Variants in USP36 observed in about 807,000 individuals in gnomAD.
USP36 encodes ubiquitin carboxyl-terminal hydrolase 36.
Under a neutral mutation model 111.5 loss-of-function variants are expected in USP36, and 59 were observed. The observed-to-expected ratio is 0.53, with a 90% CI of 0.43 to 0.66. The LOEUF (loss-of-function observed/expected upper bound fraction) is 0.66, where lower values mean the gene tolerates loss of function less well. Among genes scored for constraint, USP36 ranks in the 30% least tolerant of loss-of-function variants. USP36 has a pLI of 0.00. For missense variants in USP36, 1,488 were observed against 1,468.0 expected (o/e 1.01, Z -0.22); for synonymous variants, 628 against 581.0 (o/e 1.08, Z -1.16).
intron 5 of USP36, 118 bp downstream of exon 5, chr17:78,828,779 A>G (rs1231447795): frequency 1.0e-6 from 1 of 980,860 alleles, no homozygotes; most frequent in African/African-American, 1.6e-5. Flanking sequence ...CCAAAACGGA[A>G]GGACTGCTTA....
rs1346392794 is a variant in USP36, at chr17:78,827,275, A to G, written c.659T>C (p.Met220Thr). The G allele has an allele frequency of 2.5e-6, 4 of 1,613,868 alleles. No individual in the cohort carries two copies. Among genetic ancestry groups the G allele is most frequent in the Non-Finnish European group, 2.5e-6 (3 of 1,180,044 alleles). The stretch of plus-strand genomic sequence containing the variant: ...ACAGCCATTCAGGCAGGCTTTCTGC[A>G]TGGCGTCGATGGTGTACCGCAGGAA... ...HEFLRYTIDAMQKACLNGCAK... is the reference protein window; with the variant it reads ...HEFLRYTIDATQKACLNGCAK... The change falls in exon 6 of 21, where the codon ATG becomes ACG. Residue 220 changes from methionine to threonine, a missense_variant. Physicochemically the swap from Met to Thr is moderately conservative, Grantham distance 81. Coordinates refer to ENST00000449938, the MANE Select transcript of USP36 (RefSeq NM_001385174.1).
At chr17:78,821,157 G>A (rs2094309374) in intron 7 of USP36, 96 bp from the exon 8 acceptor site, 1 of 1,241,230 alleles carries the variant, frequency 8.1e-7, no homozygotes. Context: ...ACTCTCAGCA[G>A]GGCTTTGGCC....
At chr17:78,807,794 G>A (rs559565382) in intron 13 of USP36, among the ~76,000 whole-genome samples, 158 bp from the exon 14 acceptor site, 12 of 152,186 alleles carry the variant, frequency 7.9e-5, no homozygotes, top group Admixed American at 7.8e-4. Context: ...AGACACTGTG[G>A]CTTCTCTGAA....
intron 9 of USP36, among the ~76,000 whole-genome samples, chr17:78,819,314 T>C (rs9902176): frequency 0.059 from 8,951 of 152,280 alleles, 844 homozygotes; most frequent in African/African-American, 0.2. Flanking sequence ...GCTGTAGTAG[T>C]GTGATCCCAG....
chr17:78,806,833 C>G, intron 14 of USP36, 126 bp downstream of exon 14: 4 of 1,335,052 alleles, frequency 3.0e-6, no homozygotes, highest in East Asian at 2.3e-5. Context: ...CTAAAAGACA[C>G]TTTGTTCCTC....
intron 10 of USP36, among the ~76,000 whole-genome samples, chr17:78,818,041 T>C (rs1355504915): frequency 1.3e-5 from 2 of 152,188 alleles, no homozygotes; most frequent in Non-Finnish European, 2.9e-5. Context: ...GCGCTGATTA[T>C]GCCACTGCAC....
In USP36 at chr17:78,836,301, A is replaced by G; in HGVS notation, c.63T>C (p.Asp21=). The change falls in exon 3 of 21, where the codon GAT becomes GAC. Residue 21 remains aspartate (D), a synonymous_variant. Transcript: ENST00000449938. ...AGGCAAGAAGCTTCCCCAGTTCTCC[A>G]TCATCAGCCGAGTCCTTGCGGCCGG... is the stretch of plus-strand genomic sequence containing the variant. The part of the protein sequence containing the change: ...LKPGRKDSAD[D]GELGKLLASS... 1 of 1,614,146 alleles carries G rather than the reference A, an allele frequency of 6.2e-7. No individual in the cohort carries two copies. Among genetic ancestry groups the G allele is most frequent in the Non-Finnish European group, 8.5e-7 (1 of 1,180,032 alleles).
intron 6 of USP36, chr17:78,826,938 G>A: frequency 1.7e-6 from 1 of 602,318 alleles, no homozygotes. Context: ...CCCTAAGAAG[G>A]TCTGCTAACA....
rs1490215506 is a variant in USP36, at chr17:78,813,852, G to T, written c.1186C>A (p.Gln396Lys). 6.2e-7 allele frequency: 1 copy of T among 1,614,024 alleles called. No homozygotes were observed. The highest frequency in any genetic ancestry group is 8.5e-7 in the Non-Finnish European group (1 of 1,180,018). ...YVKASNGQWYQMNDSLVHSSN... is the reference protein window; with the variant it reads ...YVKASNGQWYKMNDSLVHSSN... ...GAATGGACCAAGGAATCATTCATCT[G>T]GTACCACTGTCCATTGCTTGCCTGA... The change falls in exon 12 of 21, where the codon CAG (glutamine) becomes AAG (lysine). Residue 396 changes from glutamine to lysine, a missense_variant. Physicochemically the swap from Gln to Lys is moderately conservative, Grantham distance 53. Around this residue, in one of 3 missense-constraint regions of USP36, gnomAD observed 1,073 missense variants for 994.1 expected, o/e 1.08. Coordinates refer to ENST00000449938, the MANE Select transcript of USP36 (RefSeq NM_001385174.1).
intron 3 of USP36, among the ~76,000 whole-genome samples, chr17:78,787,838 T>C (rs2047819581): frequency 2.0e-5 from 3 of 152,230 alleles, no homozygotes; most frequent in African/African-American, 7.2e-5. Flanking sequence ...CATGAGATCA[T>C]TAGGGTGGGA....
Position 78,836,278 on chromosome 17 carries a change from G to A in USP36, c.86C>T (p.Ala29Val), listed in dbSNP as rs1273676443. 1 of 1,614,170 alleles carries A rather than the reference G, an allele frequency of 6.2e-7. No individual in the cohort carries two copies. The highest frequency in any genetic ancestry group is 8.5e-7 in the Non-Finnish European group (1 of 1,180,034). The change falls in exon 3 of 21, where the codon GCC becomes GTC. Residue 29 changes from alanine (A) to valine (V), a missense_variant. By Grantham distance (64) the Ala-to-Val change is moderately conservative. Around this residue, in one of 3 missense-constraint regions of USP36, gnomAD observed 219 missense variants for 209.5 expected, o/e 1.05. Coordinates refer to ENST00000449938, the MANE Select transcript of USP36 (RefSeq NM_001385174.1). ...TAAAAGGACCTTCTTGGCAGAGGAG[G>A]CAAGAAGCTTCCCCAGTTCTCCATC... ...ADDGELGKLLASSAKKVLLQK... is the reference protein window; with the variant it reads ...ADDGELGKLLVSSAKKVLLQK...
intron 12 of USP36, among the ~76,000 whole-genome samples, 165 bp from the exon 13 acceptor site, chr17:78,813,166 A>T (rs2094108509): frequency 6.6e-6 from 1 of 152,198 alleles, no homozygotes. Flanking sequence ...AACCACAGTG[A>T]GGCTGAGAGA....
Position 78,835,405 on chromosome 17 carries a change from AC to A in USP36, c.349del (p.Val117SerfsTer24), listed in dbSNP as rs1360089269. The A allele has an allele frequency of 6.2e-7, 1 of 1,614,214 alleles. No homozygotes were observed. Among genetic ancestry groups the A allele is most frequent in the East Asian group, 2.2e-5 (1 of 44,882 alleles). ...GTGGAGTCCTGCGCCCACGCGGAAG[AC>A]CCGCTCCCACCTCAGAGACAGTCGC... ...TERLSLRWER[V>X]FRVGAGLHNL... On this transcript the variant is annotated frameshift_variant, in exon 4 of 21. Coordinates refer to ENST00000449938, the MANE Select transcript of USP36 (RefSeq NM_001385174.1). LOFTEE classifies it high-confidence loss of function.
chr17:78,828,157 C>T (rs982018160), intron 5 of USP36, among the ~76,000 whole-genome samples: 4 of 152,000 alleles, frequency 2.6e-5, no homozygotes, highest in Non-Finnish European at 4.4e-5. Context: ...GAGGCTGCAG[C>T]GAGCTGTGAT....
chr17:78,789,847 G>A (rs985166238), intron 3 of USP36, among the ~76,000 whole-genome samples: 3 of 152,326 alleles, frequency 2.0e-5, no homozygotes, highest in East Asian at 3.9e-4. Context: ...AAGGGGGTGC[G>A]GGTAGGGCTC....
At chr17:78,827,445 GA>G in intron 5 of USP36, 98 bp from the exon 6 acceptor site, 2 of 1,125,588 alleles carry the variant, frequency 1.8e-6, no homozygotes, top group Non-Finnish European at 2.5e-6. Flanking sequence ...GTTATAAGGG[GA>G]AAATACTGCA....
intron 10 of USP36, among the ~76,000 whole-genome samples, chr17:78,815,162 T>A (rs1272146816): frequency 6.6e-6 from 1 of 151,950 alleles, no homozygotes; most frequent in Non-Finnish European, 1.5e-5. Flanking sequence ...CGAAACCTTG[T>A]CTCTACTAAA....
chr17:78,815,935 T>A lies in USP36; in HGVS notation c.1024-1383A>T, dbSNP rs190866153. Among the ~76,000 whole-genome samples, 454 of 149,202 alleles carry A rather than the reference T, an allele frequency of 3.0e-3. 1 individual carries two copies. Among genetic ancestry groups the A allele is most frequent in the Non-Finnish European group, 5.1e-3 (335 of 66,108 alleles). ...ATGCATACGCACACATACACACACA[T>A]ATACACACATGCATGCACACACATA... On this transcript the variant is annotated intron_variant, in intron 10 of 20. Transcript: ENST00000449938.
chr17:78,801,070 G>C (rs914306131), intron 17 of USP36, among the ~76,000 whole-genome samples: 5 of 148,644 alleles, frequency 3.4e-5, no homozygotes, highest in African/African-American at 7.5e-5. Flanking sequence ...TCCGCCTCCT[G>C]GGTTCACACC....
Sources: gnomAD v4.1 joint callset for allele counts (sites outside exome capture counted in the v4.1 genomes callset) on GRCh38, gnomAD v4.1.1 for gene constraint, gnomAD v4.1.1 regional missense constraint, MANE v1.5 for transcripts, NCBI Gene and HGNC (gene_info 2026-07-23, HGNC 2026-07-21) for gene names.